The following PLG variants were observed in gnomAD, a reference collection of about 807,000 sequenced individuals.
The protein encoded by PLG is plasminogen.
PLG carries 41 observed loss-of-function variants against 104.4 expected under a neutral mutation model. The observed-to-expected ratio is 0.39, with a 90% CI of 0.31 to 0.51. PLG has a LOEUF of 0.51. Ranked by LOEUF, PLG falls within the 20% of genes least tolerant of loss-of-function variation. The probability of loss-of-function intolerance (pLI) is 0.76; values close to 1 mark genes in which losing one functional copy is unlikely to be tolerated. For missense variants in PLG, 891 were observed against 1,003.6 expected, an observed-to-expected ratio of 0.89 and a Z score of 1.52; for synonymous variants, 337 against 357.1, an observed-to-expected ratio of 0.94 and a Z score of 0.63.
Position 160,738,513 on chromosome 6 carries a change from A to T in PLG, c.1803-25A>T, listed in dbSNP as rs1369189846. The T allele has an allele frequency of 6.9e-7, 1 of 1,459,226 alleles. No homozygotes were observed. The allele number at this position is 1,459,226 out of a possible 1,614,324, so 90.4% of individuals were successfully genotyped here. Reference sequence around the variant, plus strand: ...CAGAACAAAGTATCAATTTAACTAAAATTTGAACTAAATCCTCTTTCCAGG... The same window carrying T: ...CAGAACAAAGTATCAATTTAACTAATATTTGAACTAAATCCTCTTTCCAGG... On this transcript the variant is annotated intron_variant, in intron 14 of 18. Transcript: ENST00000308192. The surrounding 1 kb of genome is among the most constrained non-coding windows in gnomAD (Gnocchi z 6.8).
At chr6:160,711,233 G>A in intron 4 of PLG, 42 bp downstream of exon 4, 8 of 1,590,288 alleles carry the variant, frequency 5.0e-6, no homozygotes, top group East Asian at 4.5e-5. Context: ...CTACTGTAAA[G>A]TTGTCCCTCT....
intron 17 of PLG, among the ~76,000 whole-genome samples, chr6:160,743,158 T>C (rs1443776398): frequency 4.6e-5 from 7 of 152,268 alleles, no homozygotes; most frequent in Admixed American, 3.9e-4. Context: ...TTTGGTTATA[T>C]ATAAATTTTT....
At chr6:160,729,037 C>T (rs987469850) in intron 10 of PLG, among the ~76,000 whole-genome samples, 2 of 152,102 alleles carry the variant, frequency 1.3e-5, no homozygotes, top group African/African-American at 2.4e-5. Context: ...AGAGTATAAA[C>T]GTTTCTCCCA....
At chr6:160,742,525 G>A (rs1412638085) in intron 17 of PLG, among the ~76,000 whole-genome samples, 1 of 151,614 alleles carries the variant, frequency 6.6e-6, no homozygotes, top group Non-Finnish European at 1.5e-5. Context: ...ATTTGTTTAA[G>A]TTCCTCATAG....
chr6:160,746,488 T>C (rs1012335803), intron 17 of PLG, among the ~76,000 whole-genome samples: 25 of 152,340 alleles, frequency 1.6e-4, no homozygotes, highest in African/African-American at 4.6e-4. Flanking sequence ...GTCAGATCCA[T>C]TAGGTTCTTT....
rs377075321 is a variant in PLG at position 160,706,586 on chromosome 6, G to T, written c.185+44G>T. The T allele has an allele frequency of 8.3e-6, 13 of 1,575,606 alleles. No homozygotes were observed. The South Asian group carries it at 1.3e-4, about 16-fold the overall frequency. On this transcript the variant is annotated intron_variant, in intron 2 of 18. Coordinates refer to ENST00000308192, the MANE Select transcript of PLG (RefSeq NM_000301.5). ...CACCTACGCAGGAATCTGTAATTCA[G>T]ATGGCAAGTAATTTACTCACAAATT...
At chr6:160,714,750 C>A (rs1370114425) in intron 5 of PLG, 44 bp from the exon 6 acceptor site, 1 of 1,606,992 alleles carries the variant, frequency 6.2e-7, no homozygotes, top group Admixed American at 1.7e-5. Flanking sequence ...TCATCCATTT[C>A]AGTTTTCTTC....
At chr6:160,705,309 T>C (rs1449662444) in intron 1 of PLG, 1 of 150,064 alleles carries the variant, frequency 6.7e-6, no homozygotes, top group Non-Finnish European at 1.5e-5. Context: ...AGCCTTGTGG[T>C]GGGAGCACAG....
chr6:160,751,673 A>G (rs1468972827), intron 17 of PLG, among the ~76,000 whole-genome samples: 1 of 152,222 alleles, frequency 6.6e-6, no homozygotes, highest in African/African-American at 2.4e-5. Context: ...CATATTAGTT[A>G]TGAAGATCAT....
In PLG at chr6:160,740,945, TTCCATGCACTGA is replaced by T. The variant is rs4252167; in HGVS notation, c.2019-363_2019-352del. On this transcript the variant is annotated intron_variant, in intron 16 of 18. Coordinates refer to ENST00000308192, the MANE Select transcript of PLG (RefSeq NM_000301.5). This position sits in a 1 kb window ranked among gnomAD's most constrained non-coding sequence, Gnocchi z 5.2. ...CTCTTGGTGGCATCTCAGTCAGACA[TTCCATGCACTGA>T]TCAATGCCCTATTCGATTAATGTAA... is the stretch of plus-strand genomic sequence containing the variant. Among the ~76,000 whole-genome samples, 2,645 of 152,254 alleles carry T rather than the reference TTCCATGCACTGA, an allele frequency of 0.017. 76 individuals are homozygous for T. The highest frequency in any genetic ancestry group is 0.061 in the African/African-American group (2,540 of 41,528).
At chr6:160,750,802 T>C (rs1413833037) in intron 17 of PLG, among the ~76,000 whole-genome samples, 5 of 152,224 alleles carry the variant, frequency 3.3e-5, no homozygotes, top group Non-Finnish European at 7.3e-5. Context: ...TGCAAAATTT[T>C]AATGAAACCT....
In PLG at chr6:160,739,078, C is replaced by T; in HGVS notation, c.1888C>T (p.Pro630Ser). Reference sequence around the variant, plus strand: ...CCTCATCTTTTCTAGGTCCCCAAGGCCTTCATCCTACAAGGTCATCCTGGG... The same window carrying T: ...CCTCATCTTTTCTAGGTCCCCAAGGTCTTCATCCTACAAGGTCATCCTGGG... ...AAHCLEKSPR[P>S]SSYKVILGAH... The change falls in exon 16 of 19, where the codon CCT becomes TCT. Residue 630 changes from proline to serine, a missense_variant. Pro to Ser is a moderately conservative substitution (Grantham distance 74, BLOSUM62 -1). Transcript: ENST00000308192. The surrounding 1 kb of genome is among the most constrained non-coding windows in gnomAD (Gnocchi z 4.4). The T allele has an allele frequency of 6.2e-7, 1 of 1,613,992 alleles. No individual in the cohort carries two copies. Among genetic ancestry groups the T allele is most frequent in the Non-Finnish European group, 8.5e-7 (1 of 1,179,924 alleles).
In PLG at chr6:160,736,087, C is replaced by A. The variant is rs373361845; in HGVS notation, c.1682-800C>A. The stretch of plus-strand genomic sequence containing the variant: ...ATATTAACATTTACATTTGTGAAGA[C>A]CTTGAAGGGCTGGAGACAACAGAGA... On this transcript the variant is annotated intron_variant, in intron 13 of 18. Coordinates refer to ENST00000308192, the MANE Select transcript of PLG (RefSeq NM_000301.5). This position sits in a 1 kb window ranked among gnomAD's most constrained non-coding sequence, Gnocchi z 5.2. 1.3e-5 allele frequency among the ~76,000 whole-genome samples: 2 copies of A among 152,088 alleles called. No individual in the cohort carries two copies. Among genetic ancestry groups the A allele is most frequent in the African/African-American group, 2.4e-5 (1 of 41,402 alleles).
chr6:160,730,512 G>T (rs531982705), intron 10 of PLG, among the ~76,000 whole-genome samples: 1 of 152,336 alleles, frequency 6.6e-6, no homozygotes, highest in South Asian at 2.1e-4. Flanking sequence ...AGTAAAAGTA[G>T]ATCCCTTTAG....
Position 160,734,417 on chromosome 6 carries a change from C to G in PLG, c.1681+329C>G, listed in dbSNP as rs1023568509. ...GATGCATGAAAAATTTAGAGTCATTCGGATGAAAAACTTTCCCTTTCCACA... is the reference window on the plus strand; with the variant it reads ...GATGCATGAAAAATTTAGAGTCATTGGGATGAAAAACTTTCCCTTTCCACA... On this transcript the variant is annotated intron_variant, in intron 13 of 18. Transcript: ENST00000308192. The surrounding 1 kb of genome is among the most constrained non-coding windows in gnomAD (Gnocchi z 4.4). Among the ~76,000 whole-genome samples the G allele has an allele frequency of 6.6e-6, 1 of 152,066 alleles. No individual in the cohort carries two copies. Among genetic ancestry groups the G allele is most frequent in the East Asian group, 1.9e-4 (1 of 5,194 alleles).
chr6:160,720,594 A>G (rs963816253), intron 9 of PLG, among the ~76,000 whole-genome samples: 1 of 150,890 alleles, frequency 6.6e-6, no homozygotes, highest in Admixed American at 6.6e-5. Flanking sequence ...TAATTTTTGT[A>G]TTTTTGGTAG....
At chr6:160,727,181 AT>A (rs1488763566) in intron 10 of PLG, among the ~76,000 whole-genome samples, 5 of 151,930 alleles carry the variant, frequency 3.3e-5, no homozygotes, top group Admixed American at 3.3e-4. Context: ...AACCTAGATA[AT>A]ATGGACTAAT....
In PLG at chr6:160,738,858, C is replaced by A. The variant is rs890212200; in HGVS notation, c.1878-210C>A. Among the ~76,000 whole-genome samples the A allele has an allele frequency of 1.3e-5, 2 of 152,110 alleles. No homozygotes were observed. The highest frequency in any genetic ancestry group is 1.3e-4 in the Admixed American group (2 of 15,276). ...AACTGCAGAACAGAGCTGTTCACTA[C>A]CATAGGCTGTATCAGTCTCTGCCCA... On this transcript the variant is annotated intron_variant, in intron 15 of 18. Coordinates refer to ENST00000308192, the MANE Select transcript of PLG (RefSeq NM_000301.5). This position sits in a 1 kb window ranked among gnomAD's most constrained non-coding sequence, Gnocchi z 6.8.
At chr6:160,745,573 G>A (rs982641598) in intron 17 of PLG, among the ~76,000 whole-genome samples, 3 of 152,168 alleles carry the variant, frequency 2.0e-5, no homozygotes, top group African/African-American at 7.2e-5. Flanking sequence ...CTTGAAGGTA[G>A]CATACCAGTG....
Sources: allele counts gnomAD v4.1 joint callset (sites outside exome capture counted in the v4.1 genomes callset), GRCh38; gene constraint gnomAD v4.1.1; non-coding constraint Gnocchi (gnomAD v3.1); transcripts MANE v1.5; gene names NCBI Gene and HGNC (gene_info 2026-07-23, HGNC 2026-07-21).